Variants in UBR2 observed in about 807,000 individuals in gnomAD.
The protein encoded by UBR2 is E3 ubiquitin-protein ligase UBR2.
Under a neutral mutation model 247.9 loss-of-function variants are expected in UBR2, and 92 were observed. The observed-to-expected ratio is 0.37, with a 90% CI of 0.31 to 0.44. The LOEUF is 0.44. Among genes scored for constraint, UBR2 ranks in the 20% least tolerant of loss-of-function variants. The probability of loss-of-function intolerance (pLI) is 1.00; values close to 1 mark genes in which losing one functional copy is unlikely to be tolerated. For synonymous variants in UBR2, 672 were observed against 693.5 expected (o/e 0.97, Z 0.49); for missense variants, 1,613 against 2,112.6 (o/e 0.76, Z 4.64).
At chr6:42,596,671 A>T (rs981454186) in intron 4 of UBR2, among the ~76,000 whole-genome samples, 1 of 152,262 alleles carries the variant, frequency 6.6e-6, no homozygotes, top group East Asian at 1.9e-4. Flanking sequence ...TGAAGAACTG[A>T]TACATGCTAC....
At chr6:42,578,018 A>G (rs1260173429) in intron 2 of UBR2, among the ~76,000 whole-genome samples, 3 of 152,150 alleles carry the variant, frequency 2.0e-5, no homozygotes, top group African/African-American at 7.2e-5. Context: ...AATCAAGGTA[A>G]CTAGGATATC....
intron 8 of UBR2, among the ~76,000 whole-genome samples, chr6:42,613,077 G>A (rs1487984476): frequency 6.6e-6 from 1 of 152,000 alleles, no homozygotes; most frequent in Non-Finnish European, 1.5e-5. Context: ...CTCCAGCCTG[G>A]GCAAAAGAGT....
At chr6:42,662,307 G>T (rs1797860569) in intron 31 of UBR2, 30 bp downstream of exon 31, 1 of 1,395,270 alleles carries the variant, frequency 7.2e-7, no homozygotes, top group Non-Finnish European at 9.9e-7. Context: ...TTTGTCAAGA[G>T]AAGTTTATCT....
chr6:42,612,055 GA>G (rs1353114003), intron 7 of UBR2, 115 bp from the exon 8 acceptor site: 2 of 946,828 alleles, frequency 2.1e-6, no homozygotes, highest in Non-Finnish European at 2.9e-6. Flanking sequence ...TTACATCCAT[GA>G]AAAAGTCTCC....
chr6:42,625,159 C>G (rs1795258654), intron 11 of UBR2, among the ~76,000 whole-genome samples: 1 of 152,146 alleles, frequency 6.6e-6, no homozygotes, highest in African/African-American at 2.4e-5. Context: ...GAAGAATTCT[C>G]CAGTGTAACC....
intron 7 of UBR2, among the ~76,000 whole-genome samples, chr6:42,609,895 C>CAA (rs111670532): frequency 4.6e-5 from 3 of 64,700 alleles, no homozygotes; most frequent in Admixed American, 1.6e-4. Flanking sequence ...AACCCTGTTA[C>CAA]AAAAAAAAAA....
At chr6:42,668,804 G>A (rs1798266505) in intron 34 of UBR2, among the ~76,000 whole-genome samples, 1 of 151,938 alleles carries the variant, frequency 6.6e-6, no homozygotes, top group Non-Finnish European at 1.5e-5. Flanking sequence ...TGAACTCCTG[G>A]GCTCAAGCGA....
chr6:42,570,256 G>A (rs750578146), intron 1 of UBR2, among the ~76,000 whole-genome samples: 32 of 152,124 alleles, frequency 2.1e-4, no homozygotes, highest in Admixed American at 3.3e-4. Flanking sequence ...GTTTTGAGAC[G>A]GAGTCTCACT....
intron 1 of UBR2, among the ~76,000 whole-genome samples, chr6:42,571,391 G>T (rs1359722074): frequency 1.3e-5 from 2 of 151,636 alleles, no homozygotes; most frequent in Non-Finnish European, 2.9e-5. Context: ...TCAATATGTT[G>T]TAAAAAAAAG....
At chr6:42,618,774 G>A (rs1041144054) in intron 11 of UBR2, among the ~76,000 whole-genome samples, 3 of 152,174 alleles carry the variant, frequency 2.0e-5, no homozygotes, top group Admixed American at 2.0e-4. Context: ...TGCTGAAAGT[G>A]GATATGAATC....
In UBR2 at chr6:42,665,377, A is replaced by G. The variant is rs752912615; in HGVS notation, c.3699-32A>G. On this transcript the variant is annotated intron_variant, in intron 32 of 46. Transcript: ENST00000372901. ...TTTTGTATCTTAAGGAACAATAATA[A>G]AACACTAAATACTCTCTATAATCTT... The G allele has an allele frequency of 9.5e-5, 143 of 1,508,190 alleles. No individual in the cohort carries two copies. In the Middle Eastern group the frequency reaches 5.5e-3, roughly 58 times the overall value. The allele number at this position is 1,508,190 out of a possible 1,614,324, so 93.4% of individuals were successfully genotyped here. A position where few individuals can be genotyped will look rare whatever the true frequency, so the allele number is the denominator to read the frequency against.
At chr6:42,576,217 A>G (rs552320969) in intron 2 of UBR2, among the ~76,000 whole-genome samples, 14 of 152,288 alleles carry the variant, frequency 9.2e-5, no homozygotes, top group Admixed American at 3.9e-4. Context: ...GGCTGTCTCA[A>G]TGGAGCTTTA....
chr6:42,658,533 G>A (rs1797575386), intron 28 of UBR2, 113 bp from the exon 29 acceptor site: 1 of 1,190,776 alleles, frequency 8.4e-7, no homozygotes, highest in African/African-American at 1.7e-5. Flanking sequence ...ATTTAAATAA[G>A]TGAGATTATA....
At chr6:42,604,649 T>A (rs1793584846) in intron 5 of UBR2, among the ~76,000 whole-genome samples, 1 of 152,216 alleles carries the variant, frequency 6.6e-6, no homozygotes, top group Non-Finnish European at 1.5e-5. Flanking sequence ...ATTCATTCTC[T>A]ACACTGCATC....
chr6:42,672,919 A>G (rs1798528066), intron 36 of UBR2, among the ~76,000 whole-genome samples: 1 of 152,134 alleles, frequency 6.6e-6, no homozygotes, highest in Non-Finnish European at 1.5e-5. Context: ...CTCAATATTT[A>G]TTGAACCAAA....
intron 1 of UBR2, among the ~76,000 whole-genome samples, chr6:42,572,901 C>T (rs753911862): frequency 9.2e-5 from 14 of 152,062 alleles, no homozygotes; most frequent in Non-Finnish European, 1.5e-4. Flanking sequence ...GAAGAGACTT[C>T]ACCATGTTGG....
At chr6:42,608,188 A>G (rs929575378) in intron 7 of UBR2, among the ~76,000 whole-genome samples, 4 of 152,144 alleles carry the variant, frequency 2.6e-5, no homozygotes, top group Non-Finnish European at 5.9e-5. Context: ...TAGGGTATGG[A>G]CATTCTCAGC....
rs368665742 is a variant in UBR2 at position 42,632,147 on chromosome 6, G to A, written c.1282-405G>A. 2.0e-4 allele frequency among the ~76,000 whole-genome samples: 30 copies of A among 148,348 alleles called. No homozygotes were observed. In the East Asian group the frequency reaches 5.7e-3, roughly 28 times the overall value. On this transcript the variant is annotated intron_variant, in intron 11 of 46. Coordinates refer to ENST00000372901, the MANE Select transcript of UBR2 (RefSeq NM_001363705.2). The stretch of plus-strand genomic sequence containing the variant: ...AATAAATCTCAACTAAGGAAATAAA[G>A]AGAAAATATTGTTTCATACTGAGTT...
chr6:42,605,944 TA>T, intron 6 of UBR2, 85 bp downstream of exon 6: 1 of 1,186,768 alleles, frequency 8.4e-7, no homozygotes, highest in Non-Finnish European at 1.2e-6. Flanking sequence ...GAGTTAAAGA[TA>T]TATATATCTA....
Sources: gnomAD v4.1 joint callset for allele counts (sites outside exome capture counted in the v4.1 genomes callset) on GRCh38, gnomAD v4.1.1 for gene constraint, MANE v1.5 for transcripts, NCBI Gene and HGNC (gene_info 2026-07-23, HGNC 2026-07-21) for gene names.